Variants in TMEM131L observed in about 807,000 individuals in gnomAD.
TMEM131L encodes transmembrane 131 like.
A neutral mutation model predicts 192.2 loss-of-function variants in TMEM131L; 54 were observed. The observed-to-expected ratio is 0.28, with a 90% CI of 0.23 to 0.35. The LOEUF (loss-of-function observed/expected upper bound fraction) is 0.35. Among genes scored for constraint, TMEM131L ranks in the 10% least tolerant of loss-of-function variants. The pLI is 1.00. For synonymous variants in TMEM131L, 701 were observed against 704.9 expected (o/e 0.99, Z 0.09); for missense variants, 1,888 against 1,972.9 (o/e 0.96, Z 0.82).
Position 153,603,962 on chromosome 4 carries a change from T to C in TMEM131L, c.2950T>C (p.Tyr984His). 6.8e-6 allele frequency: 11 copies of C among 1,614,002 alleles called. No homozygotes were observed. Among genetic ancestry groups the C allele is most frequent in the Non-Finnish European group, 9.3e-6 (11 of 1,179,976 alleles). Residue 984 changes from tyrosine (Y) to histidine (H), a missense_variant, in exon 25 of 35, where the codon TAT becomes CAT. Tyr to His is a moderately conservative substitution (Grantham distance 83, BLOSUM62 2). Transcript: ENST00000409959. ...HSQKKHKCSV[Y>H]YSKHKTSTAA... Reference sequence around the variant, plus strand: ...TCAGAAGAAGCACAAATGCTCAGTGTATTACAGTAAACACAAAACCAGCAC... The same window carrying C: ...TCAGAAGAAGCACAAATGCTCAGTGCATTACAGTAAACACAAAACCAGCAC...
At chr4:153,502,629 A>G (rs1177229348) in intron 3 of TMEM131L, among the ~76,000 whole-genome samples, 1 of 152,250 alleles carries the variant, frequency 6.6e-6, no homozygotes, top group Non-Finnish European at 1.5e-5. Flanking sequence ...TCAGTTTAAC[A>G]TTACTTTGAA....
At chr4:153,590,979 T>A in intron 16 of TMEM131L, 74 bp from the exon 17 acceptor site, 2 of 1,055,494 alleles carry the variant, frequency 1.9e-6, no homozygotes, top group Non-Finnish European at 2.5e-6. Context: ...TTTCCCTAAA[T>A]AACAAAATTA....
chr4:153,575,044 G>T (rs1464985373), intron 7 of TMEM131L, among the ~76,000 whole-genome samples: 1 of 152,118 alleles, frequency 6.6e-6, no homozygotes, highest in African/African-American at 2.4e-5. Context: ...GTTTCATGTG[G>T]TTATTACCAG....
At chr4:153,471,506 G>T (rs1561107204) in intron 2 of TMEM131L, among the ~76,000 whole-genome samples, 1 of 152,166 alleles carries the variant, frequency 6.6e-6, no homozygotes, top group Non-Finnish European at 1.5e-5. Flanking sequence ...AAGTCTGCAG[G>T]TAACAGGTGG....
Position 153,603,401 on chromosome 4 carries a change from C to T in TMEM131L, c.2738C>T (p.Ser913Phe). The T allele has an allele frequency of 6.2e-7, 1 of 1,614,114 alleles. No individual in the cohort carries two copies. Among genetic ancestry groups the T allele is most frequent in the Non-Finnish European group, 8.5e-7 (1 of 1,179,970 alleles). The change falls in exon 24 of 35, where the codon TCT becomes TTT. Residue 913 changes from serine to phenylalanine, a missense_variant. Physicochemically the swap from Ser to Phe is radical, Grantham distance 155 (BLOSUM62 -2). Coordinates refer to ENST00000409959, the MANE Select transcript of TMEM131L (RefSeq NM_001131007.2). ...KTRQRQNASSSSQQNNGPMDV... is the reference protein window; with the variant it reads ...KTRQRQNASSFSQQNNGPMDV... ...AGACAGAGGCAAAATGCTAGCTCCTCTTCACAGCAAAACAATGGTCCTATG... is the reference window on the plus strand; with the variant it reads ...AGACAGAGGCAAAATGCTAGCTCCTTTTCACAGCAAAACAATGGTCCTATG...
intron 3 of TMEM131L, among the ~76,000 whole-genome samples, chr4:153,511,261 G>T (rs1734336577): frequency 6.6e-6 from 1 of 152,180 alleles, no homozygotes; most frequent in African/African-American, 2.4e-5. Context: ...ACTGCCTAAA[G>T]AAAATGTGGT....
chr4:153,611,211 A>G (rs1478065624), intron 25 of TMEM131L, among the ~76,000 whole-genome samples: 1 of 152,258 alleles, frequency 6.6e-6, no homozygotes, highest in Admixed American at 6.5e-5. Flanking sequence ...AGGACCTTCC[A>G]TGAAACAGTC....
At chr4:153,579,319 G>A (rs1730178022) in intron 7 of TMEM131L, among the ~76,000 whole-genome samples, 1 of 152,126 alleles carries the variant, frequency 6.6e-6, no homozygotes, top group African/African-American at 2.4e-5. Flanking sequence ...GGGAAACAGA[G>A]TGAGACCCTG....
rs576286943 is a variant in TMEM131L, at chr4:153,598,691, G to A, written c.2225G>A (p.Arg742Gln). 14 of 1,613,958 alleles carry A rather than the reference G, an allele frequency of 8.7e-6. No homozygotes were observed. The highest frequency in any genetic ancestry group is 2.2e-5 in the East Asian group (1 of 44,872). ...CTTCCTGGTGCAGGAGGCTCACTCC[G>A]ATTTAAGGTGCCCGAGTCCACGCTG... ...GRLPGAGGSL[R>Q]FKVPESTLMD... The change falls in exon 21 of 35, where the codon CGA (arginine) becomes CAA (glutamine). Residue 742 changes from arginine (R) to glutamine (Q), a missense_variant. By Grantham distance (43) the Arg-to-Gln change is conservative. Coordinates refer to ENST00000409959, the MANE Select transcript of TMEM131L (RefSeq NM_001131007.2).
At chr4:153,579,777 A>G (rs990540374) in intron 7 of TMEM131L, among the ~76,000 whole-genome samples, 12 of 152,182 alleles carry the variant, frequency 7.9e-5, no homozygotes, top group African/African-American at 2.4e-4. Flanking sequence ...TGCCTGACCT[A>G]TTCTTTTTTT....
intron 3 of TMEM131L, among the ~76,000 whole-genome samples, chr4:153,498,240 A>ATCTGC (rs1414176464): frequency 2.6e-5 from 4 of 152,126 alleles, no homozygotes; most frequent in Non-Finnish European, 4.4e-5. Context: ...GGTGCCCTTG[A>ATCTGC]TCTGCTCTTG....
At chr4:153,609,348 C>T (rs1732460878) in intron 25 of TMEM131L, among the ~76,000 whole-genome samples, 1 of 152,206 alleles carries the variant, frequency 6.6e-6, no homozygotes, top group African/African-American at 2.4e-5. Context: ...AACTCTCTCA[C>T]TATCATGAGA....
chr4:153,497,665 A>G (rs1363793548), intron 3 of TMEM131L, among the ~76,000 whole-genome samples: 2 of 152,184 alleles, frequency 1.3e-5, no homozygotes, highest in East Asian at 1.9e-4. Flanking sequence ...AGGTTCACGT[A>G]TCTATTGCTG....
chr4:153,593,071 G>A (rs141013689), intron 18 of TMEM131L, among the ~76,000 whole-genome samples: 2,016 of 152,258 alleles, frequency 0.013, 20 homozygotes, highest in Non-Finnish European at 0.017. Context: ...CTCCACCTGC[G>A]GTTGGTTGAA....
intron 6 of TMEM131L, among the ~76,000 whole-genome samples, chr4:153,557,988 C>T (rs938733617): frequency 2.6e-5 from 4 of 152,180 alleles, no homozygotes; most frequent in Non-Finnish European, 5.9e-5. Flanking sequence ...CCAGGCTGGT[C>T]TCAAACTCCT....
intron 11 of TMEM131L, among the ~76,000 whole-genome samples, chr4:153,584,242 C>T (rs1730556131): frequency 6.6e-6 from 1 of 152,084 alleles, no homozygotes; most frequent in Non-Finnish European, 1.5e-5. Flanking sequence ...GCACAGAACA[C>T]CTGGAAGGAT....
chr4:153,556,559 A>G (rs981196785), intron 5 of TMEM131L, among the ~76,000 whole-genome samples: 8 of 152,152 alleles, frequency 5.3e-5, no homozygotes, highest in African/African-American at 1.7e-4. Context: ...GAAGCCCAAT[A>G]TTTGGTTTAT....
At chr4:153,561,063 T>TAA (rs1728815650) in intron 7 of TMEM131L, among the ~76,000 whole-genome samples, 1 of 152,262 alleles carries the variant, frequency 6.6e-6, no homozygotes, top group Admixed American at 6.5e-5. Context: ...TTTGTTTGTT[T>TAA]TTTAAATAGC....
intron 26 of TMEM131L, among the ~76,000 whole-genome samples, chr4:153,619,374 A>G (rs1442802694): frequency 6.6e-6 from 1 of 152,370 alleles, no homozygotes; most frequent in African/African-American, 2.4e-5. Flanking sequence ...TTAACATTAA[A>G]TCCCGAGTCT....
Sources: gnomAD v4.1 joint callset for allele counts (sites outside exome capture counted in the v4.1 genomes callset) on GRCh38, gnomAD v4.1.1 for gene constraint, MANE v1.5 for transcripts, NCBI Gene and HGNC (gene_info 2026-07-23, HGNC 2026-07-21) for gene names.